UNC79: variants seen among roughly 807,000 people sequenced by gnomAD.
UNC79 encodes the protein unc-79 subunit of NALCN channel complex.
Under a neutral mutation model 283.1 loss-of-function variants are expected in UNC79, and 37 were observed. The observed-to-expected ratio is 0.13, with a 90% CI of 0.10 to 0.17. The LOEUF is 0.17. Ranked by LOEUF, UNC79 falls within the 10% of genes least tolerant of loss-of-function variation. UNC79 has a pLI of 1.00. For missense variants in UNC79, 2,272 were observed against 3,211.1 expected (o/e 0.71, Z 7.07); for synonymous variants, 1,107 against 1,200.2 (o/e 0.92, Z 1.61).
chr14:93,508,531 T>C (rs1041510421), intron 7 of UNC79, among the ~76,000 whole-genome samples: 1 of 152,250 alleles, frequency 6.6e-6, no homozygotes, highest in East Asian at 1.9e-4. Context: ...TATATCTTTC[T>C]ATTAGTTAGG....
intron 33 of UNC79, 29 bp from the exon 37 acceptor site, chr14:93,643,528 T>C: frequency 6.2e-7 from 1 of 1,613,586 alleles, no homozygotes; most frequent in Non-Finnish European, 8.5e-7. Flanking sequence ...CTTTCTTTCA[T>C]GGAAAGCATG....
Position 93,474,262 on chromosome 14 carries a change from C to T in UNC79, c.317C>T (p.Ala106Val), listed in dbSNP as rs2057675544. The T allele has an allele frequency of 2.0e-6, 3 of 1,535,968 alleles. No individual in the cohort carries two copies. The highest frequency in any genetic ancestry group is 2.6e-6 in the Non-Finnish European group (3 of 1,146,880). ...CTCCTTTACAGCGTCCTGCGAGATG[C>T]TCCCTCAGAACGCGGCCCGCAAAGT... Residue 106 changes from alanine to valine, a missense_variant, in exon 3 of 49, where the codon GCT becomes GTT. This residue lies in a region of UNC79 where 194 missense variants were observed against 268.9 expected (regional missense o/e 0.72). Coordinates refer to ENST00000555664, the Ensembl canonical transcript of UNC79. The surrounding 1 kb of genome is among the most constrained non-coding windows in gnomAD (Gnocchi z 4.1).
chr14:93,337,314 CTTAAGT>C (rs1298089574), intron 1 of UNC79, among the ~76,000 whole-genome samples: 5 of 152,236 alleles, frequency 3.3e-5, no homozygotes, highest in South Asian at 2.1e-4. Context: ...AAAAGCTCTT[CTTAAGT>C]TTGTTTCCCC....
intron 1 of UNC79, among the ~76,000 whole-genome samples, chr14:93,346,359 C>T (rs1049117425): frequency 6.6e-6 from 1 of 152,180 alleles, no homozygotes; most frequent in Non-Finnish European, 1.5e-5. Flanking sequence ...ACTTTTCCCT[C>T]AAGAGGGTCT....
intron 31 of UNC79, among the ~76,000 whole-genome samples, chr14:93,635,446 T>C (rs1479654967): frequency 6.6e-6 from 1 of 152,246 alleles, no homozygotes; most frequent in East Asian, 1.9e-4. Flanking sequence ...GGCCTACCCT[T>C]GAATCGGACT....
chr14:93,672,680 C>T (rs1021411910), intron 40 of UNC79, among the ~76,000 whole-genome samples: 1 of 152,174 alleles, frequency 6.6e-6, no homozygotes, highest in Non-Finnish European at 1.5e-5. Context: ...GTTCCCAATG[C>T]ATAGAAATGA....
intron 42 of UNC79, among the ~76,000 whole-genome samples, chr14:93,683,857 A>C (rs1400787337): frequency 5.9e-5 from 9 of 151,818 alleles, no homozygotes; most frequent in Non-Finnish European, 8.8e-5. Context: ...AAAAAAAAAA[A>C]ACACACACTT....
chr14:93,478,128 T>A (rs1209971956), intron 4 of UNC79, among the ~76,000 whole-genome samples: 2 of 152,192 alleles, frequency 1.3e-5, no homozygotes, highest in Non-Finnish European at 2.9e-5. Context: ...ATAGTCAGGA[T>A]GTGTAAATTC....
intron 11 of UNC79, among the ~76,000 whole-genome samples, chr14:93,535,316 T>A (rs2061015977): frequency 6.6e-6 from 1 of 152,208 alleles, no homozygotes; most frequent in South Asian, 2.1e-4. Flanking sequence ...TTCGATCAAC[T>A]GAAGATTATT....
At chr14:93,357,676 C>CATATATATATATATATATATATAT (rs60284787) in intron 1 of UNC79, among the ~76,000 whole-genome samples, 1 of 32,348 alleles carries the variant, frequency 3.1e-5, no homozygotes. Context: ...AATAAACTCC[C>CATATATATATATATATATATATAT]ATATATATAT....
At chr14:93,366,342 T>C (rs994107092) in intron 1 of UNC79, among the ~76,000 whole-genome samples, 2 of 152,176 alleles carry the variant, frequency 1.3e-5, no homozygotes, top group African/African-American at 4.8e-5. Context: ...TCCGAAACAG[T>C]ATCTGTTCAG....
intron 1 of UNC79, among the ~76,000 whole-genome samples, chr14:93,434,371 A>C (rs998126703): frequency 1.3e-5 from 2 of 152,186 alleles, no homozygotes; most frequent in African/African-American, 2.4e-5. Flanking sequence ...CAGAAGAGTT[A>C]AATTTTTTTT....
intron 22 of UNC79, among the ~76,000 whole-genome samples, chr14:93,588,270 A>G (rs1394020110): frequency 6.6e-6 from 1 of 152,152 alleles, no homozygotes; most frequent in Non-Finnish European, 1.5e-5. Context: ...GTATGGAGAA[A>G]AGAGAGATTT....
chr14:93,524,140 A>G, intron 8 of UNC79, 98 bp downstream of exon 8: 1 of 1,325,866 alleles, frequency 7.5e-7, no homozygotes, highest in East Asian at 2.3e-5. Context: ...AAGCAGAGGC[A>G]TGTCCTCTGT....
intron 1 of UNC79, chr14:93,347,294 C>T (rs1457070684): frequency 6.2e-7 from 1 of 1,605,072 alleles, no homozygotes; most frequent in South Asian, 1.1e-5. Flanking sequence ...GGGCGCTGTC[C>T]TGCCCGCCGC....
intron 1 of UNC79, among the ~76,000 whole-genome samples, chr14:93,370,828 G>A (rs1010574088): frequency 4.0e-5 from 6 of 151,688 alleles, no homozygotes; most frequent in African/African-American, 1.5e-4. Flanking sequence ...CTGAAAAGCA[G>A]AAGACAAAGA....
At chr14:93,655,644 GAAAA>G (rs59172906) in intron 38 of UNC79, among the ~76,000 whole-genome samples, 1 of 81,754 alleles carries the variant, frequency 1.2e-5, no homozygotes, top group Non-Finnish European at 2.6e-5. Context: ...CAGTTGATTT[GAAAA>G]AAAAAAAAAA....
At chr14:93,550,514 C>CAAAAAAAAAA (rs1205210121) in intron 14 of UNC79, among the ~76,000 whole-genome samples, 3 of 19,192 alleles carry the variant, frequency 1.6e-4, no homozygotes, top group African/African-American at 2.7e-4. Context: ...GACTCCGTAT[C>CAAAAAAAAAA]AAAAAAAAAA....
At chr14:93,561,749 T>C (rs2062568040) in intron 14 of UNC79, among the ~76,000 whole-genome samples, 1 of 152,140 alleles carries the variant, frequency 6.6e-6, no homozygotes, top group African/African-American at 2.4e-5. Context: ...CTATCCACTC[T>C]AAGAGGGAGT....
Sources: allele counts gnomAD v4.1 joint callset (sites outside exome capture counted in the v4.1 genomes callset), GRCh38; gene constraint gnomAD v4.1.1; regional missense constraint gnomAD v4.1.1; non-coding constraint Gnocchi (gnomAD v3.1); transcripts MANE v1.5; gene names NCBI Gene and HGNC (gene_info 2026-07-23, HGNC 2026-07-21).